PRKN: variants seen among roughly 807,000 people sequenced by gnomAD.
The protein encoded by PRKN is parkin RBR E3 ubiquitin protein ligase.
Under a neutral mutation model 59.5 loss-of-function variants are expected in PRKN, and 56 were observed. The ratio of observed to expected loss-of-function variants is 0.94; its 90% CI spans 0.76 to 1.18. The LOEUF is 1.18. Among genes scored for constraint, PRKN ranks in the 50% most tolerant of loss-of-function variants. The pLI is 0.00. For synonymous variants in PRKN, 250 were observed against 222.1 expected (o/e 1.13, Z -1.12); for missense variants, 657 against 596.4 (o/e 1.10, Z -1.06).
chr6:162,563,950 A>G (rs1303385424), intron 1 of PRKN, among the ~76,000 whole-genome samples: 2 of 151,888 alleles, frequency 1.3e-5, no homozygotes, highest in East Asian at 1.9e-4. Context: ...AAGCTTGAAT[A>G]CAGACTATTT....
At chr6:162,505,980 A>G (rs374115393) in intron 1 of PRKN, among the ~76,000 whole-genome samples, 2 of 152,158 alleles carry the variant, frequency 1.3e-5, no homozygotes, top group Admixed American at 6.5e-5. Flanking sequence ...ACAAGTTCCT[A>G]TATTGCTTCA....
chr6:161,880,594 G>A (rs903380714), intron 6 of PRKN, among the ~76,000 whole-genome samples: 4 of 152,250 alleles, frequency 2.6e-5, no homozygotes, highest in Admixed American at 6.5e-5. Context: ...GAGGAGCACC[G>A]GCCCACGAGG....
In PRKN at chr6:162,387,571, G is replaced by C. The variant is rs1007462841; in HGVS notation, c.171+55739C>G. ...ACACACACACAGAGAGAGAGAGAGA[G>C]AGAGAGAGAGAGAGAGAGAGAGAGA... On this transcript the variant is annotated intron_variant, in intron 2 of 11. Transcript: ENST00000366898. 5.5e-3 allele frequency among the ~76,000 whole-genome samples: 773 copies of C among 139,944 alleles called. 9 individuals are homozygous for C. The highest frequency in any genetic ancestry group is 0.014 in the African/African-American group (524 of 37,140). The allele number at this position is 139,944 out of a possible 152,430, so 91.8% of individuals were successfully genotyped here.
chr6:161,380,225 A>C (rs1005575238), intron 10 of PRKN, among the ~76,000 whole-genome samples: 1 of 152,188 alleles, frequency 6.6e-6, no homozygotes, highest in African/African-American at 2.4e-5. Context: ...TGTAGGTCTC[A>C]AATTTCACTT....
Position 161,771,173 on chromosome 6 carries a change from G to A in PRKN, c.871+14599C>T, listed in dbSNP as rs182853289. Among the ~76,000 whole-genome samples the A allele has an allele frequency of 4.4e-3, 673 of 151,796 alleles. 7 individuals are homozygous for A. Among genetic ancestry groups the A allele is most frequent in the African/African-American group, 0.016 (643 of 41,400 alleles). ...AGATCGAGACCATCCTGGCTAACAC[G>A]GTGAAACCCTGTCTCTACTAAAAAT... On this transcript the variant is annotated intron_variant, in intron 7 of 11. Transcript: ENST00000366898.
intron 1 of PRKN, among the ~76,000 whole-genome samples, chr6:162,696,857 T>C (rs148303101): frequency 6.6e-6 from 1 of 152,210 alleles, no homozygotes; most frequent in East Asian, 1.9e-4. Context: ...GGAAGAACTT[T>C]TAAAAAACAA....
intron 7 of PRKN, among the ~76,000 whole-genome samples, chr6:161,624,286 A>T (rs1386257220): frequency 6.6e-6 from 1 of 152,248 alleles, no homozygotes; most frequent in African/African-American, 2.4e-5. Flanking sequence ...GCTAAACTAC[A>T]ATTTATGAAA....
intron 9 of PRKN, among the ~76,000 whole-genome samples, chr6:161,479,797 C>T (rs1365938723): frequency 1.3e-5 from 2 of 152,220 alleles, no homozygotes; most frequent in Non-Finnish European, 1.5e-5. Flanking sequence ...GTCACTGGGG[C>T]ACCCCCTCCC....
intron 1 of PRKN, among the ~76,000 whole-genome samples, chr6:162,698,805 A>C (rs1042761251): frequency 1.3e-5 from 2 of 152,172 alleles, no homozygotes; most frequent in Non-Finnish European, 2.9e-5. Context: ...GTAGAGCCTA[A>C]GTCCCTTAGT....
intron 1 of PRKN, among the ~76,000 whole-genome samples, chr6:162,615,736 C>G (rs934763141): frequency 5.3e-5 from 8 of 152,150 alleles, no homozygotes; most frequent in African/African-American, 1.9e-4. Context: ...TTTACAGGAA[C>G]TGAAAAATAC....
intron 5 of PRKN, among the ~76,000 whole-genome samples, chr6:162,002,658 A>G (rs906732446): frequency 1.3e-5 from 2 of 151,760 alleles, no homozygotes; most frequent in African/African-American, 4.8e-5. Flanking sequence ...TCTAAATTTA[A>G]TACTTCTCTT....
intron 2 of PRKN, among the ~76,000 whole-genome samples, chr6:162,344,314 A>T (rs1172741783): frequency 6.9e-6 from 1 of 144,026 alleles, no homozygotes; most frequent in East Asian, 2.0e-4. Context: ...GCAATCAGAG[A>T]TTCCCTGTTT....
rs1221976237 is a variant in PRKN, at chr6:161,498,010, A to G, written c.1083+50844T>C. Among the ~76,000 whole-genome samples, 1 of 152,180 alleles carries G rather than the reference A, an allele frequency of 6.6e-6. No individual in the cohort carries two copies. Among genetic ancestry groups the G allele is most frequent in the Non-Finnish European group, 1.5e-5 (1 of 68,026 alleles). On this transcript the variant is annotated intron_variant, in intron 9 of 11. Transcript: ENST00000366898. The surrounding 1 kb of genome is among the most constrained non-coding windows in gnomAD (Gnocchi z 4.2). Reference sequence around the variant, plus strand: ...GAAACCTTTGCTTCCATGAGGGGATATTTGTTCTTCAATAGATGGGTCTAA... The same window carrying G: ...GAAACCTTTGCTTCCATGAGGGGATGTTTGTTCTTCAATAGATGGGTCTAA...
In PRKN at chr6:162,104,825, A is replaced by G. The variant is rs144117510; in HGVS notation, c.535-50651T>C. Among the ~76,000 whole-genome samples, 1,005 of 152,352 alleles carry G rather than the reference A, an allele frequency of 6.6e-3. 8 individuals carry two copies. Among genetic ancestry groups the G allele is most frequent in the African/African-American group, 0.023 (943 of 41,578 alleles). ...AAGAGATATTTTTAAAGTAAATGCA[A>G]AATTAAGAAGTAAAATAATTCTAAT... On this transcript the variant is annotated intron_variant, in intron 4 of 11. Transcript: ENST00000366898.
At chr6:162,006,948 A>G (rs1416150358) in intron 5 of PRKN, among the ~76,000 whole-genome samples, 2 of 151,984 alleles carry the variant, frequency 1.3e-5, no homozygotes, top group Admixed American at 6.6e-5. Flanking sequence ...GCGCCAGCAC[A>G]TTGTATGGCT....
chr6:161,505,069 T>A (rs960315337), intron 9 of PRKN, among the ~76,000 whole-genome samples: 1 of 151,882 alleles, frequency 6.6e-6, no homozygotes, highest in South Asian at 2.1e-4. Flanking sequence ...CAAATGGTAT[T>A]TCTAGTTCTA....
At chr6:161,664,857 C>T (rs2128166724) in intron 7 of PRKN, among the ~76,000 whole-genome samples, 1 of 150,634 alleles carries the variant, frequency 6.6e-6, no homozygotes. Context: ...GGTGCGATCT[C>T]AGCTCACTAC....
intron 6 of PRKN, among the ~76,000 whole-genome samples, chr6:161,895,727 A>T (rs9355953): frequency 0.33 from 42,271 of 127,804 alleles, 6,828 homozygotes; most frequent in East Asian, 0.4. Context: ...CGCCCACCCC[A>T]CCTGCCGTTA....
At chr6:161,490,759 T>C (rs1777525707) in intron 9 of PRKN, among the ~76,000 whole-genome samples, 1 of 152,094 alleles carries the variant, frequency 6.6e-6, no homozygotes. Flanking sequence ...TCATGTCAAA[T>C]TGTAATCCCC....
Sources: gnomAD v4.1 joint callset for allele counts (sites outside exome capture counted in the v4.1 genomes callset) on GRCh38, gnomAD v4.1.1 for gene constraint, Gnocchi (gnomAD v3.1) non-coding constraint, MANE v1.5 for transcripts, NCBI Gene and HGNC (gene_info 2026-07-23, HGNC 2026-07-21) for gene names.